Variants in KIAA1217 observed in about 807,000 individuals in gnomAD.
The protein encoded by KIAA1217 is sickle tail protein homolog.
A neutral mutation model predicts 163.9 loss-of-function variants in KIAA1217; 88 were observed. The ratio of observed to expected loss-of-function variants is 0.54; its 90% CI spans 0.45 to 0.64. KIAA1217 has a LOEUF of 0.64. Ranked by LOEUF, KIAA1217 falls within the 30% of genes least tolerant of loss-of-function variation. The probability of loss-of-function intolerance (pLI) is 0.00; values close to 1 mark genes in which losing one functional copy is unlikely to be tolerated. For synonymous variants in KIAA1217, 903 were observed against 923.1 expected, an observed-to-expected ratio of 0.98 and a Z score of 0.39; for missense variants, 2,372 against 2,475.0, an observed-to-expected ratio of 0.96 and a Z score of 0.88.
chr10:23,982,942 T>C (rs368048962), intron 1 of KIAA1217, among the ~76,000 whole-genome samples: 3 of 152,214 alleles, frequency 2.0e-5, no homozygotes, highest in South Asian at 2.1e-4. Context: ...CTCATGGGTC[T>C]GTGGGTTGAC....
At chr10:24,208,845 G>A (rs546642436), upstream of KIAA1217, 38 of 237,862 alleles carry the variant, frequency 1.6e-4, 1 homozygote, top group East Asian at 3.9e-3. Context: ...GTGGGTAGGA[G>A]AGGCCGTCAC....
intron 1 of KIAA1217, among the ~76,000 whole-genome samples, chr10:23,759,511 C>T (rs1834132082): frequency 6.6e-6 from 1 of 152,128 alleles, no homozygotes. Context: ...AGCTTGCAGC[C>T]TTTCACCATT....
chr10:24,222,698 C>T (rs1273292307), intron 2 of KIAA1217, among the ~76,000 whole-genome samples: 3 of 152,064 alleles, frequency 2.0e-5, no homozygotes, highest in Non-Finnish European at 4.4e-5. Context: ...TTAGTAGAGA[C>T]GGTGTTTTAC....
In KIAA1217 at chr10:23,934,575, ATATATATATATATATG is replaced by A. The variant is rs1283786355; in HGVS notation, c.-320-72618_-320-72603del. Among the ~76,000 whole-genome samples the A allele has an allele frequency of 2.6e-4, 17 of 65,968 alleles. 1 individual carries two copies. Among genetic ancestry groups the A allele is most frequent in the East Asian group, 5.9e-4 (2 of 3,404 alleles). 43.3% of individuals were successfully genotyped at this position (65,968 alleles called of 152,430 possible). A position where few individuals can be genotyped will look rare whatever the true frequency, so the allele number is the denominator to read the frequency against. Reference sequence around the variant, plus strand: ...CTTTAAAGTATATATATATATATATATATATATATATATATGTATATATATATATATGTATATATAT... The same window carrying A: ...CTTTAAAGTATATATATATATATATATATATATATATATATGTATATATAT... On this transcript the variant is annotated intron_variant, in intron 1 of 18. Transcript: ENST00000376462.
chr10:23,891,442 C>A (rs1176266414), intron 1 of KIAA1217, among the ~76,000 whole-genome samples: 1 of 151,932 alleles, frequency 6.6e-6, no homozygotes, highest in East Asian at 1.9e-4. Context: ...ATTTTCCCGA[C>A]ACTCTGGCAG....
At position 24,209,163 on chromosome 10, in the gene KIAA1217, G is replaced by A. The variant is rs1336113057; in HGVS notation, c.-31G>A. ...AGAACTGCGCTCTGAAGTTTCCAGA[G>A]AGCGAGGAGCTTTTGCGGCAGGCAG... On this transcript the variant is annotated 5_prime_UTR_variant, in exon 1 of 21. Coordinates refer to ENST00000376454, the MANE Select transcript of KIAA1217 (RefSeq NM_019590.5). 1.2e-6 allele frequency: 2 copies of A among 1,609,664 alleles called. No homozygotes were observed. Among genetic ancestry groups the A allele is most frequent in the Non-Finnish European group, 1.7e-6 (2 of 1,176,354 alleles).
At chr10:24,471,844 G>A (rs1182226455) in intron 5 of KIAA1217, among the ~76,000 whole-genome samples, 8 of 138,210 alleles carry the variant, frequency 5.8e-5, no homozygotes, top group Admixed American at 2.4e-4. Context: ...CTGAGATTGC[G>A]CCACTGCACT....
chr10:24,125,326 G>C (rs1248834670), intron 2 of KIAA1217, among the ~76,000 whole-genome samples: 136 of 76,106 alleles, frequency 1.8e-3, no homozygotes, highest in African/African-American at 6.3e-3. Context: ...TATGCTCTGT[G>C]TGTGTGTGTG....
chr10:24,148,404 T>C lies in KIAA1217; in HGVS notation c.-170-71222T>C, dbSNP rs1162513121. Among the ~76,000 whole-genome samples the C allele has an allele frequency of 5.9e-5, 9 of 152,154 alleles. No homozygotes were observed. The East Asian group carries it at 7.7e-4, about 13-fold the overall frequency. On this transcript the variant is annotated intron_variant, in intron 2 of 18. Coordinates refer to the KIAA1217 transcript ENST00000376462. ...TTACTTATTGATATGGTATGAATGT[T>C]TGTTCCCTCCAAATCTCATGTTGAA...
chr10:24,207,925 T>C (rs2067654063), upstream of KIAA1217, among the ~76,000 whole-genome samples: 1 of 152,144 alleles, frequency 6.6e-6, no homozygotes, highest in Non-Finnish European at 1.5e-5. Context: ...TTGATCTAAA[T>C]CAATCTCAAA....
At chr10:23,912,175 G>A (rs1385960619) in intron 1 of KIAA1217, among the ~76,000 whole-genome samples, 1 of 152,038 alleles carries the variant, frequency 6.6e-6, no homozygotes, top group African/African-American at 2.4e-5. Context: ...CTGACATTGA[G>A]GCAAAGGTTT....
chr10:24,325,683 T>A lies in KIAA1217; in HGVS notation c.355-55186T>A, dbSNP rs190161716. Among the ~76,000 whole-genome samples the A allele has an allele frequency of 1.5e-3, 233 of 152,278 alleles. 1 individual carries two copies. Among genetic ancestry groups the A allele is most frequent in the Non-Finnish European group, 2.2e-3 (149 of 68,028 alleles). On this transcript the variant is annotated intron_variant, in intron 2 of 20. Transcript: ENST00000376454. ...GTCTGGCTATAAGATTAGAGAAAAT[T>A]ATGCTCTTAATGCAGAGTGTGGAAA... is the stretch of plus-strand genomic sequence containing the variant.
At chr10:23,899,338 A>G (rs1296579979) in intron 1 of KIAA1217, among the ~76,000 whole-genome samples, 1 of 152,080 alleles carries the variant, frequency 6.6e-6, no homozygotes, top group East Asian at 1.9e-4. Context: ...ATATTGTCAG[A>G]ATTTTTAATG....
intron 1 of KIAA1217, among the ~76,000 whole-genome samples, chr10:23,895,049 C>A (rs1311164041): frequency 6.6e-6 from 1 of 152,068 alleles, no homozygotes; most frequent in East Asian, 1.9e-4. Context: ...TAGAAGAAAA[C>A]CTAGGCATTA....
chr10:24,410,157 C>G (rs2057635611), intron 3 of KIAA1217, among the ~76,000 whole-genome samples: 1 of 151,826 alleles, frequency 6.6e-6, no homozygotes. Flanking sequence ...CCACCACGCC[C>G]AGCTAATTTT....
chr10:24,254,380 G>C (rs530580069), intron 2 of KIAA1217, among the ~76,000 whole-genome samples: 5 of 152,226 alleles, frequency 3.3e-5, no homozygotes, highest in Non-Finnish European at 7.3e-5. Context: ...GTGAGTGCCA[G>C]AGCCAGCTCG....
At chr10:24,240,188 AAGG>A (rs2072893165) in intron 2 of KIAA1217, among the ~76,000 whole-genome samples, 1 of 152,122 alleles carries the variant, frequency 6.6e-6, no homozygotes, top group South Asian at 2.1e-4. Flanking sequence ...AGTTAGCTGA[AAGG>A]GGTTAGTTCA....
chr10:23,737,868 C>T (rs2130803173), intron 1 of KIAA1217, among the ~76,000 whole-genome samples: 1 of 151,914 alleles, frequency 6.6e-6, no homozygotes, highest in East Asian at 1.9e-4. Flanking sequence ...TTATTAATCT[C>T]TTGGTGGTCT....
At chr10:24,476,388 T>A (rs1171983430) in intron 6 of KIAA1217, among the ~76,000 whole-genome samples, 1 of 152,204 alleles carries the variant, frequency 6.6e-6, no homozygotes, top group Non-Finnish European at 1.5e-5. Flanking sequence ...GGGTATTCTT[T>A]GAGAGCCTCC....
Sources: allele counts gnomAD v4.1 joint callset (sites outside exome capture counted in the v4.1 genomes callset), GRCh38; gene constraint gnomAD v4.1.1; transcripts MANE v1.5; gene names NCBI Gene and HGNC (gene_info 2026-07-23, HGNC 2026-07-21).